The following SETD3 variants were observed in gnomAD, a reference collection of about 807,000 sequenced individuals.
SETD3 encodes the protein SET domain containing 3, actin N3(tau)-histidine methyltransferase.
SETD3 carries 19 observed loss-of-function variants against 63.0 expected under a neutral mutation model. The ratio of observed to expected loss-of-function variants is 0.30; its 90% CI spans 0.21 to 0.44. The LOEUF is 0.44. Ranked by LOEUF, SETD3 falls within the 20% of genes least tolerant of loss-of-function variation. The pLI is 1.00. For missense variants in SETD3, 587 were observed against 728.5 expected, an observed-to-expected ratio of 0.81 and a Z score of 2.24; for synonymous variants, 286 against 264.1, an observed-to-expected ratio of 1.08 and a Z score of -0.80.
At chr14:99,418,985 A>G (rs1169330707) in intron 6 of SETD3, among the ~76,000 whole-genome samples, 1 of 152,224 alleles carries the variant, frequency 6.6e-6, no homozygotes, top group Non-Finnish European at 1.5e-5. Context: ...CCCGTCTTCT[A>G]AGTGGATATA....
chr14:99,399,683 G>A (rs980324674), intron 12 of SETD3, among the ~76,000 whole-genome samples: 2 of 150,728 alleles, frequency 1.3e-5, no homozygotes, highest in African/African-American at 2.4e-5. Context: ...AATTTCAAAT[G>A]CAATCATTTT....
At chr14:99,435,640 T>C (rs967406770) in intron 6 of SETD3, among the ~76,000 whole-genome samples, 2 of 152,142 alleles carry the variant, frequency 1.3e-5, no homozygotes, top group African/African-American at 2.4e-5. Context: ...TTGTAAAACA[T>C]GCACTTGTAA....
At position 99,414,860 on chromosome 14, in the gene SETD3, T is replaced by G. The variant is rs145147657; in HGVS notation, c.676-926A>C. 2.5e-3 allele frequency among the ~76,000 whole-genome samples: 380 copies of G among 152,346 alleles called. 2 individuals are homozygous for G. Among genetic ancestry groups the G allele is most frequent in the African/African-American group, 9.0e-3 (376 of 41,582 alleles). On this transcript the variant is annotated intron_variant, in intron 6 of 12. Transcript: ENST00000331768. ...AATGAAATCCTGCTGAAGCCGGGTCTCCGCACCACTTTTAATGCAGGAAGC... is the reference window on the plus strand; with the variant it reads ...AATGAAATCCTGCTGAAGCCGGGTCGCCGCACCACTTTTAATGCAGGAAGC...
intron 12 of SETD3, 69 bp from the exon 13 acceptor site, chr14:99,399,194 A>T: frequency 2.1e-6 from 3 of 1,420,986 alleles, no homozygotes; most frequent in Non-Finnish European, 2.9e-6. Flanking sequence ...AGAGGGCACA[A>T]CGGCTGGGGA....
intron 6 of SETD3, among the ~76,000 whole-genome samples, chr14:99,433,628 A>G (rs987966349): frequency 1.3e-5 from 2 of 152,082 alleles, no homozygotes; most frequent in Non-Finnish European, 2.9e-5. Context: ...CAGTAGAGAC[A>G]GGGTTTTACC....
At chr14:99,406,674 A>C in intron 8 of SETD3, 84 bp from the exon 9 acceptor site, 1 of 1,374,404 alleles carries the variant, frequency 7.3e-7, no homozygotes, top group Admixed American at 1.8e-5. Context: ...TCTGGCAATC[A>C]GAGGAAAAAG....
intron 6 of SETD3, among the ~76,000 whole-genome samples, chr14:99,445,366 A>G (rs986313458): frequency 6.6e-6 from 1 of 152,232 alleles, no homozygotes; most frequent in African/African-American, 2.4e-5. Flanking sequence ...GCCATCTACT[A>G]TCCACTTGAT....
chr14:99,465,185 G>A (rs1488730607), intron 2 of SETD3, among the ~76,000 whole-genome samples: 1 of 152,144 alleles, frequency 6.6e-6, no homozygotes, highest in Non-Finnish European at 1.5e-5. Context: ...CAAAAAGAAA[G>A]GCGAGCCATT....
chr14:99,456,263 T>C (rs1221282984), intron 6 of SETD3, among the ~76,000 whole-genome samples: 1 of 152,238 alleles, frequency 6.6e-6, no homozygotes, highest in African/African-American at 2.4e-5. Flanking sequence ...ACCAGTTTGA[T>C]TTCTAAATCA....
intron 6 of SETD3, among the ~76,000 whole-genome samples, chr14:99,429,180 A>G (rs530823730): frequency 6.6e-6 from 1 of 152,054 alleles, no homozygotes; most frequent in South Asian, 2.1e-4. Flanking sequence ...TGGGATCTCC[A>G]CTCCATGATC....
chr14:99,473,533 A>G (rs1282716930), intron 1 of SETD3, among the ~76,000 whole-genome samples: 1 of 152,202 alleles, frequency 6.6e-6, no homozygotes, highest in East Asian at 1.9e-4. Context: ...AGGAAACCTT[A>G]GCTCAAGCAC....
chr14:99,423,611 A>AAAAAAAAAAAAAAAAAAAAAAAAAAC (rs1892712584), intron 6 of SETD3, among the ~76,000 whole-genome samples: 1 of 147,164 alleles, frequency 6.8e-6, no homozygotes, highest in Non-Finnish European at 1.5e-5. Flanking sequence ...AAAAAAAAAA[A>AAAAAAAAAAAAAAAAAAAAAAAAAAC]AAAGAGCAGG....
intron 12 of SETD3, 112 bp from the exon 13 acceptor site, chr14:99,399,237 G>A (rs571956391): frequency 2.4e-6 from 2 of 824,364 alleles, no homozygotes; most frequent in East Asian, 5.1e-5. Flanking sequence ...GGGGTGACGG[G>A]AGGTTCTAAC....
At chr14:99,443,726 A>C (rs1216112649) in intron 6 of SETD3, among the ~76,000 whole-genome samples, 2 of 152,220 alleles carry the variant, frequency 1.3e-5, no homozygotes, top group African/African-American at 4.8e-5. Flanking sequence ...AAGAATTCTC[A>C]TGCTGCAGAT....
chr14:99,475,093 T>C (rs1247289977), intron 1 of SETD3, among the ~76,000 whole-genome samples: 2 of 152,218 alleles, frequency 1.3e-5, no homozygotes, highest in African/African-American at 2.4e-5. Flanking sequence ...TTTCCTATTA[T>C]ATCTTTCTAA....
At chr14:99,448,522 C>T (rs1019832132) in intron 6 of SETD3, among the ~76,000 whole-genome samples, 2 of 152,194 alleles carry the variant, frequency 1.3e-5, no homozygotes, top group Admixed American at 6.5e-5. Flanking sequence ...AACCTGAAAA[C>T]AGACATCATT....
At chr14:99,469,050 G>C (rs988228474) in intron 1 of SETD3, among the ~76,000 whole-genome samples, 4 of 152,184 alleles carry the variant, frequency 2.6e-5, no homozygotes, top group Non-Finnish European at 4.4e-5. Flanking sequence ...CCTGCTCCGC[G>C]TGACAGACCA....
chr14:99,445,120 A>C (rs1420467786), intron 6 of SETD3, among the ~76,000 whole-genome samples: 1 of 152,214 alleles, frequency 6.6e-6, no homozygotes, highest in African/African-American at 2.4e-5. Context: ...CTCCTTGGCA[A>C]ATATCCCAAA....
intron 10 of SETD3, among the ~76,000 whole-genome samples, chr14:99,404,714 A>G (rs1281330573): frequency 6.6e-6 from 1 of 152,244 alleles, no homozygotes; most frequent in African/African-American, 2.4e-5. Context: ...ATCCATTTTC[A>G]TTAAGAATGG....
Sources: allele counts gnomAD v4.1 joint callset (sites outside exome capture counted in the v4.1 genomes callset), GRCh38; gene constraint gnomAD v4.1.1; transcripts MANE v1.5; gene names NCBI Gene and HGNC (gene_info 2026-07-23, HGNC 2026-07-21).